STXBP5: variants seen among roughly 807,000 people sequenced by gnomAD.
STXBP5 encodes syntaxin binding protein 5.
Under a neutral mutation model 152.4 loss-of-function variants are expected in STXBP5, and 50 were observed. The ratio of observed to expected loss-of-function variants is 0.33; its 90% CI spans 0.26 to 0.42. The LOEUF is 0.42. Ranked by LOEUF, STXBP5 falls within the 10% of genes least tolerant of loss-of-function variation. The pLI is 1.00. For missense variants in STXBP5, 1,167 were observed against 1,388.6 expected, an observed-to-expected ratio of 0.84 and a Z score of 2.54; for synonymous variants, 492 against 494.7, an observed-to-expected ratio of 0.99 and a Z score of 0.07.
intron 27 of STXBP5, 77 bp downstream of exon 27, chr6:147,383,075 A>G (rs990486807): frequency 2.3e-5 from 35 of 1,493,772 alleles, no homozygotes; most frequent in Admixed American, 3.9e-5. Flanking sequence ...TTTTATAGCT[A>G]TTGTATTTCT....
In STXBP5 at chr6:147,235,113, T is replaced by C. The variant is rs906068447; in HGVS notation, c.249-137T>C. 49 of 666,090 alleles carry C rather than the reference T, an allele frequency of 7.4e-5. No homozygotes were observed. The African/African-American group carries it at 8.4e-4, about 11-fold the overall frequency. The allele number at this position is 666,090 out of a possible 1,614,324, so 41.3% of individuals were successfully genotyped here. On this transcript the variant is annotated intron_variant, in intron 2 of 27. Transcript: ENST00000321680. ...CTATTAGATTGATGTGTAACAAACC[T>C]AACTCTAAATCTCAACTTCAGTAAA...
intron 4 of STXBP5, among the ~76,000 whole-genome samples, chr6:147,256,100 C>T (rs1256805740): frequency 6.6e-6 from 1 of 152,174 alleles, no homozygotes; most frequent in Non-Finnish European, 1.5e-5. Context: ...ATTGCCATAG[C>T]TTCAATGCAG....
Position 147,204,869 on chromosome 6 carries a change from C to T in STXBP5, c.150+187C>T, listed in dbSNP as rs993776663. Among the ~76,000 whole-genome samples the T allele has an allele frequency of 3.3e-5, 5 of 152,112 alleles. No homozygotes were observed. The highest frequency in any genetic ancestry group is 1.2e-4 in the African/African-American group (5 of 41,420). ...GGTGGGTTGTTTTGGAGATTGATAC[C>T]TTACTCCTTTTCATTGATTTTTCTC... On this transcript the variant is annotated intron_variant, in intron 1 of 27. Coordinates refer to ENST00000321680, the MANE Select transcript of STXBP5 (RefSeq NM_001127715.4). The surrounding 1 kb of genome is among the most constrained non-coding windows in gnomAD (Gnocchi z 4.3).
At position 147,285,202 on chromosome 6, in the gene STXBP5, A is replaced by G. The variant is rs997047596; in HGVS notation, c.839-5892A>G. The stretch of plus-strand genomic sequence containing the variant: ...ATCAGATCTTTTAACTGACTGGTCA[A>G]GGTAGTTCACGGATAGTTAAAAGAA... On this transcript the variant is annotated intron_variant, in intron 8 of 27. Coordinates refer to ENST00000321680, the MANE Select transcript of STXBP5 (RefSeq NM_001127715.4). 7.2e-5 allele frequency among the ~76,000 whole-genome samples: 11 copies of G among 152,304 alleles called. No individual in the cohort carries two copies. The South Asian group carries it at 1.9e-3, about 26-fold the overall frequency.
Position 147,233,385 on chromosome 6 carries a change from C to CT in STXBP5, c.249-1864dup, listed in dbSNP as rs553730438. On this transcript the variant is annotated intron_variant, in intron 2 of 27. Transcript: ENST00000321680. ...TATGTTTTACTCAAGAAAAACAACT[C>CT]TGATTTTTAGTTAATAGATTCATAC... is the stretch of plus-strand genomic sequence containing the variant. Among the ~76,000 whole-genome samples the CT allele has an allele frequency of 7.5e-3, 1,134 of 151,792 alleles. 18 individuals carry two copies. Among genetic ancestry groups the CT allele is most frequent in the African/African-American group, 0.026 (1,098 of 41,496 alleles).
chr6:147,374,209 A>G (rs1376335302), intron 26 of STXBP5, among the ~76,000 whole-genome samples: 3 of 152,204 alleles, frequency 2.0e-5, no homozygotes, highest in African/African-American at 4.8e-5. Flanking sequence ...CAAAACCTCT[A>G]AAACTATTCT....
chr6:147,250,625 C>G (rs1205707611), intron 4 of STXBP5, among the ~76,000 whole-genome samples: 2 of 152,088 alleles, frequency 1.3e-5, no homozygotes, highest in African/African-American at 2.4e-5. Context: ...AACCAGTAAC[C>G]TATATCCATC....
intron 2 of STXBP5, among the ~76,000 whole-genome samples, chr6:147,213,060 G>T (rs1776940249): frequency 6.6e-6 from 1 of 152,098 alleles, no homozygotes; most frequent in African/African-American, 2.4e-5. Flanking sequence ...AATAGAGACT[G>T]TCTCTCTTGA....
chr6:147,314,407 C>A, intron 13 of STXBP5, 76 bp downstream of exon 13: 2 of 1,424,256 alleles, frequency 1.4e-6, no homozygotes, highest in Non-Finnish European at 2.0e-6. Context: ...TGAATGTTAA[C>A]TTACTGGACA....
chr6:147,218,709 G>A (rs1239324039), intron 2 of STXBP5, among the ~76,000 whole-genome samples: 3 of 152,120 alleles, frequency 2.0e-5, no homozygotes, highest in Non-Finnish European at 4.4e-5. Flanking sequence ...TTGAACTCCT[G>A]GGCTGCAGTG....
chr6:147,363,781 A>G, intron 24 of STXBP5, 77 bp downstream of exon 24: 2 of 1,514,058 alleles, frequency 1.3e-6, no homozygotes, highest in Non-Finnish European at 8.8e-7. Context: ...GTTTAAAAGA[A>G]ATGCTTTTTG....
intron 4 of STXBP5, among the ~76,000 whole-genome samples, chr6:147,257,513 A>T (rs778331816): frequency 3.3e-5 from 5 of 152,028 alleles, no homozygotes; most frequent in Non-Finnish European, 5.9e-5. Flanking sequence ...TCTTGATATT[A>T]GTAAAAGATG....
chr6:147,336,309 GTCTT>G (rs1264298248), intron 19 of STXBP5, among the ~76,000 whole-genome samples: 1 of 152,088 alleles, frequency 6.6e-6, no homozygotes, highest in Non-Finnish European at 1.5e-5. Context: ...GCTTGTGTGT[GTCTT>G]TCTCAACTTG....
At position 147,384,855 on chromosome 6, in the gene STXBP5, C is replaced by A; in HGVS notation, c.*100C>A. On this transcript the variant is annotated 3_prime_UTR_variant, in exon 28 of 28. Transcript: ENST00000321680. ...GTTAACGTTAAAGGGATGTTCGTCA[C>A]TGAATACTGTTCTTTCCTAGCACAG... 2 of 1,193,330 alleles carry A rather than the reference C, an allele frequency of 1.7e-6. No individual in the cohort carries two copies. Among genetic ancestry groups the A allele is most frequent in the Non-Finnish European group, 2.5e-6 (2 of 814,222 alleles). 73.9% of individuals were successfully genotyped at this position (1,193,330 alleles called of 1,614,324 possible).
At chr6:147,341,079 G>GT (rs1463121614) in intron 21 of STXBP5, among the ~76,000 whole-genome samples, 2 of 151,876 alleles carry the variant, frequency 1.3e-5, no homozygotes, top group African/African-American at 4.8e-5. Flanking sequence ...CTTTCAGTGT[G>GT]TTTTTTTAAA....
At chr6:147,209,718 CAA>C (rs1370653023) in intron 2 of STXBP5, among the ~76,000 whole-genome samples, 2 of 152,104 alleles carry the variant, frequency 1.3e-5, no homozygotes, top group Non-Finnish European at 2.9e-5. Context: ...TGACATTACA[CAA>C]AGTCAGGTTA....
In STXBP5 at chr6:147,363,669, C is replaced by T. The variant is rs1785166596; in HGVS notation, c.2880C>T (p.Ala960=). 1 of 1,613,376 alleles carries T rather than the reference C, an allele frequency of 6.2e-7. No individual in the cohort carries two copies. The highest frequency in any genetic ancestry group is 8.5e-7 in the Non-Finnish European group (1 of 1,179,826). The change falls in exon 24 of 28, where the codon GCC becomes GCT. Residue 960 remains alanine (A), a synonymous_variant. Coordinates refer to ENST00000321680, the MANE Select transcript of STXBP5 (RefSeq NM_001127715.4). ...CATTGAGTAACAGTATCTGCCTTGC[C>T]TGTTTCTGTGCCAATGGACATATAA... ...IVALSNSICL[A]CFCANGHIMT...
intron 26 of STXBP5, among the ~76,000 whole-genome samples, chr6:147,374,405 A>G (rs943655459): frequency 6.6e-6 from 1 of 151,934 alleles, no homozygotes; most frequent in Non-Finnish European, 1.5e-5. Flanking sequence ...GAATTGTTTC[A>G]TGTTTGTTTG....
At chr6:147,350,447 A>T (rs1784537333) in intron 21 of STXBP5, among the ~76,000 whole-genome samples, 1 of 152,116 alleles carries the variant, frequency 6.6e-6, no homozygotes, top group Admixed American at 6.5e-5. Context: ...AAACGTTCCT[A>T]ATTGATTAAA....
Sources: allele counts gnomAD v4.1 joint callset (sites outside exome capture counted in the v4.1 genomes callset), GRCh38; gene constraint gnomAD v4.1.1; non-coding constraint Gnocchi (gnomAD v3.1); transcripts MANE v1.5; gene names NCBI Gene and HGNC (gene_info 2026-07-23, HGNC 2026-07-21).